Variants in RUNX2 observed in about 807,000 individuals in gnomAD.
The protein encoded by RUNX2 is runt-related transcription factor 2.
In RUNX2, 10 loss-of-function variants were observed where a neutral mutation model predicts 51.7. The observed-to-expected ratio is 0.19, with a 90% CI of 0.12 to 0.33. The LOEUF is 0.33. RUNX2 is among the 10% of genes least tolerant of loss of function. The pLI is 1.00. For missense variants in RUNX2, 562 were observed against 691.3 expected (o/e 0.81, Z 2.10); for synonymous variants, 276 against 273.6 (o/e 1.01, Z -0.09).
intron 6 of RUNX2, among the ~76,000 whole-genome samples, chr6:45,500,100 G>T (rs1800762575): frequency 6.6e-6 from 1 of 152,078 alleles, no homozygotes; most frequent in East Asian, 1.9e-4. Context: ...CAGCAGAGGG[G>T]CAAGTTAGGC....
chr6:45,546,804 C>T, intron 8 of RUNX2, 23 bp from the exon 9 acceptor site: 1 of 1,549,676 alleles, frequency 6.5e-7, no homozygotes, highest in Non-Finnish European at 8.9e-7. Context: ...ATTTTTCCCT[C>T]CATCTTCTGT....
At position 45,422,692 on chromosome 6, in the gene RUNX2, AACAGCAG is replaced by A. The variant is rs1460833159; in HGVS notation, c.159_165del (p.Gln53HisfsTer89). The stretch of plus-strand genomic sequence containing the variant: ...GTGGTGGCTGCGCAACAGCAGCAGC[AACAGCAG>A]CAGCAGCAACAGCAGCAGCAGCAGC... On this transcript the variant is annotated frameshift_variant, in exon 3 of 9. Coordinates refer to ENST00000647337, the MANE Select transcript of RUNX2 (RefSeq NM_001024630.4). LOFTEE classifies it high-confidence loss of function. 6.2e-7 allele frequency: 1 copy of A among 1,603,560 alleles called. No homozygotes were observed. Among genetic ancestry groups the A allele is most frequent in the Non-Finnish European group, 8.5e-7 (1 of 1,176,196 alleles).
At chr6:45,347,568 C>T (rs1791137906) in intron 2 of RUNX2, among the ~76,000 whole-genome samples, 1 of 152,036 alleles carries the variant, frequency 6.6e-6, no homozygotes, top group South Asian at 2.1e-4. Flanking sequence ...TGCAGCAAGG[C>T]TTACATTCCA....
chr6:45,366,056 T>C (rs1181428100), intron 2 of RUNX2, among the ~76,000 whole-genome samples: 1 of 152,172 alleles, frequency 6.6e-6, no homozygotes, highest in Non-Finnish European at 1.5e-5. Flanking sequence ...ATTAAAATAA[T>C]GTCATGAAAG....
At chr6:45,479,740 A>G (rs992531938) in intron 5 of RUNX2, among the ~76,000 whole-genome samples, 1 of 152,208 alleles carries the variant, frequency 6.6e-6, no homozygotes, top group Non-Finnish European at 1.5e-5. Flanking sequence ...TTGAAAAACA[A>G]AAAAAGGTTT....
At chr6:45,412,582 C>T (rs900927361) in intron 2 of RUNX2, among the ~76,000 whole-genome samples, 1 of 151,320 alleles carries the variant, frequency 6.6e-6, no homozygotes, top group Non-Finnish European at 1.5e-5. Context: ...ATTCTCTGGG[C>T]AAAGATGTGA....
At chr6:45,533,519 G>A (rs1801927159) in intron 7 of RUNX2, among the ~76,000 whole-genome samples, 1 of 152,184 alleles carries the variant, frequency 6.6e-6, no homozygotes, top group Admixed American at 6.5e-5. Context: ...CTCTAAAAGG[G>A]ACGTTTTTCT....
At chr6:45,535,782 G>A (rs1802011878) in intron 7 of RUNX2, among the ~76,000 whole-genome samples, 1 of 152,008 alleles carries the variant, frequency 6.6e-6, no homozygotes, top group South Asian at 2.1e-4. Context: ...ATAGGGTAGG[G>A]GGCTAGTGGG....
At chr6:45,338,646 A>T (rs538834380) in intron 2 of RUNX2, among the ~76,000 whole-genome samples, 2 of 152,256 alleles carry the variant, frequency 1.3e-5, no homozygotes, top group South Asian at 4.1e-4. Flanking sequence ...TATCTTTCTC[A>T]AATAGTTAAT....
At chr6:45,481,687 G>A (rs920882096) in intron 5 of RUNX2, among the ~76,000 whole-genome samples, 2 of 152,152 alleles carry the variant, frequency 1.3e-5, no homozygotes, top group Non-Finnish European at 2.9e-5. Context: ...GTAAGCTTCT[G>A]CACTTTTTCT....
At chr6:45,533,079 C>T (rs943714391) in intron 7 of RUNX2, among the ~76,000 whole-genome samples, 2 of 151,620 alleles carry the variant, frequency 1.3e-5, no homozygotes, top group African/African-American at 4.9e-5. Flanking sequence ...CCATTTGTGG[C>T]GAGTTTATTA....
chr6:45,540,953 T>G (rs1014408409), intron 7 of RUNX2, among the ~76,000 whole-genome samples: 3 of 152,220 alleles, frequency 2.0e-5, no homozygotes, highest in African/African-American at 7.2e-5. Context: ...GCAATAATGC[T>G]TGGGAATAGC....
At chr6:45,345,908 T>TG (rs1421967960) in intron 2 of RUNX2, among the ~76,000 whole-genome samples, 21 of 152,170 alleles carry the variant, frequency 1.4e-4, no homozygotes, top group Non-Finnish European at 3.1e-4. Flanking sequence ...GTAAGCTATT[T>TG]GCTCCAAATG....
chr6:45,517,634 T>A (rs1416935503), intron 7 of RUNX2, among the ~76,000 whole-genome samples: 1 of 152,156 alleles, frequency 6.6e-6, no homozygotes, highest in African/African-American at 2.4e-5. Context: ...TATGTAAATA[T>A]TAACACTTTT....
chr6:45,449,195 AC>A (rs1334262135), intron 5 of RUNX2, among the ~76,000 whole-genome samples: 1 of 152,198 alleles, frequency 6.6e-6, no homozygotes, highest in Admixed American at 6.5e-5. Flanking sequence ...AAACCACTAA[AC>A]TTTTCTCTAC....
intron 7 of RUNX2, among the ~76,000 whole-genome samples, chr6:45,533,938 A>G (rs1342526357): frequency 1.6e-5 from 2 of 128,920 alleles, no homozygotes; most frequent in Non-Finnish European, 3.1e-5. Context: ...TCTGTCATCC[A>G]GGCTGGAGTG....
At chr6:45,406,247 G>A (rs1797831806) in intron 2 of RUNX2, among the ~76,000 whole-genome samples, 1 of 152,094 alleles carries the variant, frequency 6.6e-6, no homozygotes, top group African/African-American at 2.4e-5. Flanking sequence ...CTTAACCATA[G>A]CATAGGAATC....
At chr6:45,451,224 A>C (rs982147385) in intron 5 of RUNX2, among the ~76,000 whole-genome samples, 1 of 152,090 alleles carries the variant, frequency 6.6e-6, no homozygotes, top group Non-Finnish European at 1.5e-5. Context: ...GAGTGGGAGG[A>C]GGTGGAGGGG....
chr6:45,545,307 C>A (rs1802365063), intron 8 of RUNX2, 25 bp downstream of exon 8: 1 of 1,522,494 alleles, frequency 6.6e-7, no homozygotes, highest in South Asian at 1.2e-5. Context: ...AATTGCTGGG[C>A]TGGGCAGGGC....
Sources: allele counts gnomAD v4.1 joint callset (sites outside exome capture counted in the v4.1 genomes callset), GRCh38; gene constraint gnomAD v4.1.1; transcripts MANE v1.5; gene names NCBI Gene and HGNC (gene_info 2026-07-23, HGNC 2026-07-21).